The following PARD3 variants were observed in gnomAD, a reference collection of about 807,000 sequenced individuals.
The protein encoded by PARD3 is par-3 family cell polarity regulator, also known as partitioning defective 3 homolog.
PARD3 carries 75 observed loss-of-function variants against 155.4 expected under a neutral mutation model. That is an observed-to-expected ratio of 0.48 (90% CI 0.40 to 0.58). PARD3 has a LOEUF of 0.58. Among genes scored for constraint, PARD3 ranks in the 20% least tolerant of loss-of-function variants. PARD3 has a pLI of 0.00. For missense variants in PARD3, 1,642 were observed against 1,721.7 expected, an observed-to-expected ratio of 0.95 and a Z score of 0.82; for synonymous variants, 576 against 610.5, an observed-to-expected ratio of 0.94 and a Z score of 0.83.
chr10:34,477,837 G>A (rs2078814056), intron 3 of PARD3, among the ~76,000 whole-genome samples: 1 of 152,110 alleles, frequency 6.6e-6, no homozygotes, highest in African/African-American at 2.4e-5. Context: ...GATACAAACA[G>A]CAAAATTACT....
chr10:34,790,640 A>G (rs545749479), intron 1 of PARD3, among the ~76,000 whole-genome samples: 54 of 152,358 alleles, frequency 3.5e-4, no homozygotes, highest in African/African-American at 1.1e-3. Flanking sequence ...CAAAAAATAA[A>G]TAAGTTATGG....
At chr10:34,263,717 C>T (rs1306823286) in intron 22 of PARD3, among the ~76,000 whole-genome samples, 2 of 152,170 alleles carry the variant, frequency 1.3e-5, no homozygotes, top group East Asian at 1.9e-4. Flanking sequence ...TTCTCTTGTA[C>T]GTTACACTCA....
At chr10:34,426,377 C>T (rs1337398334) in intron 5 of PARD3, among the ~76,000 whole-genome samples, 1 of 152,152 alleles carries the variant, frequency 6.6e-6, no homozygotes, top group African/African-American at 2.4e-5. Context: ...ACACAGTAAA[C>T]AGAATCCATC....
intron 3 of PARD3, among the ~76,000 whole-genome samples, chr10:34,482,203 T>C (rs942343550): frequency 6.6e-6 from 1 of 151,406 alleles, no homozygotes; most frequent in Non-Finnish European, 1.5e-5. Flanking sequence ...CCCAGCTAAT[T>C]TTTTTATGTT....
intron 1 of PARD3, among the ~76,000 whole-genome samples, chr10:34,700,470 T>C (rs2094254467): frequency 6.6e-6 from 1 of 152,162 alleles, no homozygotes; most frequent in Non-Finnish European, 1.5e-5. Flanking sequence ...TGTGCAAATT[T>C]CAAGAAAAGT....
chr10:34,670,308 C>T (rs1184361383), intron 2 of PARD3, among the ~76,000 whole-genome samples: 1 of 152,234 alleles, frequency 6.6e-6, no homozygotes, highest in African/African-American at 2.4e-5. Context: ...GCGTGCACAC[C>T]GGCTCGCCAG....
intron 1 of PARD3, among the ~76,000 whole-genome samples, chr10:34,712,097 G>GA (rs958143133): frequency 1.3e-5 from 2 of 152,224 alleles, no homozygotes; most frequent in African/African-American, 2.4e-5. Flanking sequence ...TCATACCCCA[G>GA]AAAAAAGAGG....
Position 34,269,646 on chromosome 10 carries a change from CT to C in PARD3, c.3419+10del, listed in dbSNP as rs746859883. The C allele has an allele frequency of 3.1e-6, 5 of 1,612,492 alleles. No individual in the cohort carries two copies. The highest frequency in any genetic ancestry group is 2.7e-5 in the African/African-American group (2 of 75,018). ...TTTGGAAGCAATACCACGATTGCCC[CT>C]GGCGCCTACCTGTCTACAGGTGAGG... On this transcript the variant is annotated intron_variant, in intron 22 of 24. Transcript: ENST00000374788.
chr10:34,759,412 T>G (rs184004650), intron 1 of PARD3, among the ~76,000 whole-genome samples: 1 of 152,060 alleles, frequency 6.6e-6, no homozygotes, highest in Admixed American at 6.6e-5. Flanking sequence ...CTTGCTAAAG[T>G]AGAATATCAC....
chr10:34,265,296 C>A (rs113031645), intron 22 of PARD3, among the ~76,000 whole-genome samples: 2 of 152,130 alleles, frequency 1.3e-5, no homozygotes, highest in African/African-American at 4.8e-5. Context: ...ATAAGTAATA[C>A]GTGGAAATTG....
intron 22 of PARD3, among the ~76,000 whole-genome samples, chr10:34,230,261 G>A (rs1329499893): frequency 6.6e-6 from 1 of 152,058 alleles, no homozygotes; most frequent in Non-Finnish European, 1.5e-5. Context: ...GATTTCCTGA[G>A]CAGGGAGAAA....
chr10:34,156,008 T>A (rs1017184323), intron 22 of PARD3, among the ~76,000 whole-genome samples: 2 of 152,138 alleles, frequency 1.3e-5, no homozygotes, highest in African/African-American at 4.8e-5. Flanking sequence ...TCTGATAATT[T>A]TAAGACAGTA....
intron 2 of PARD3, among the ~76,000 whole-genome samples, chr10:34,567,241 T>C (rs1028971278): frequency 1.3e-5 from 2 of 152,218 alleles, no homozygotes; most frequent in African/African-American, 4.8e-5. Flanking sequence ...ACATTTATAT[T>C]TGTATTATGC....
rs1387915547 is a variant in PARD3 at position 34,395,764 on chromosome 10, G to T, written c.890+3566C>A. 7.8e-5 allele frequency among the ~76,000 whole-genome samples: 3 copies of T among 38,320 alleles called. 1 individual carries two copies. The highest frequency in any genetic ancestry group is 1.3e-4 in the Non-Finnish European group (3 of 23,440). The allele number at this position is 38,320 out of a possible 152,430, so 25.1% of individuals were successfully genotyped here. A position where few individuals can be genotyped will look rare whatever the true frequency, so the allele number is the denominator to read the frequency against. ...AGGCAGGAGAATGGCGTGAACCCGGGAAGCGGAGCTTGCAGTGAGCCGAGA... is the reference window on the plus strand; with the variant it reads ...AGGCAGGAGAATGGCGTGAACCCGGTAAGCGGAGCTTGCAGTGAGCCGAGA... On this transcript the variant is annotated intron_variant, in intron 7 of 24. Transcript: ENST00000374788.
intron 1 of PARD3, among the ~76,000 whole-genome samples, chr10:34,750,462 A>AACACACACACAC (rs71033348): frequency 1.2e-3 from 164 of 135,924 alleles, no homozygotes; most frequent in African/African-American, 3.8e-3. Context: ...CTCTCTTTCA[A>AACACACACACAC]ACACACACAC....
At chr10:34,710,858 G>T (rs142333873) in intron 1 of PARD3, among the ~76,000 whole-genome samples, 156 of 152,198 alleles carry the variant, frequency 1.0e-3, no homozygotes, top group African/African-American at 3.6e-3. Context: ...CAAATTGTAT[G>T]TATCTTCCCA....
rs114513248 is a variant in PARD3 at position 34,483,353 on chromosome 10, G to C, written c.404-13090C>G. 9.2e-3 allele frequency among the ~76,000 whole-genome samples: 1,404 copies of C among 151,894 alleles called. 26 individuals carry two copies. Among genetic ancestry groups the C allele is most frequent in the African/African-American group, 0.032 (1,345 of 41,388 alleles). ...AAACATTAGCTAGGCACAGTGGCAC[G>C]CATCTGTGGTCCCAGCTACTCTGGA... On this transcript the variant is annotated intron_variant, in intron 3 of 24. Coordinates refer to ENST00000374788, the MANE Select transcript of PARD3 (RefSeq NM_001184785.2).
At chr10:34,542,234 T>C (rs375808056) in intron 2 of PARD3, among the ~76,000 whole-genome samples, 3,464 of 146,260 alleles carry the variant, frequency 0.024, 179 homozygotes, top group African/African-American at 0.075. Flanking sequence ...TGTGTGTGTG[T>C]GTGTGCACAC....
At chr10:34,796,094 A>G (rs137906018) in intron 1 of PARD3, among the ~76,000 whole-genome samples, 1 of 152,264 alleles carries the variant, frequency 6.6e-6, no homozygotes, top group East Asian at 1.9e-4. Flanking sequence ...TCCCATGCTA[A>G]TCTAAGTTCC....
Sources: allele counts gnomAD v4.1 joint callset (sites outside exome capture counted in the v4.1 genomes callset), GRCh38; gene constraint gnomAD v4.1.1; transcripts MANE v1.5; gene names NCBI Gene and HGNC (gene_info 2026-07-23, HGNC 2026-07-21).